The following SUGCT variants were observed in gnomAD, a reference collection of about 807,000 sequenced individuals.
SUGCT encodes succinyl-CoA:glutarate-CoA transferase, also known as succinyl-CoA:glutarate CoA-transferase.
SUGCT carries 41 observed loss-of-function variants against 55.0 expected under a neutral mutation model. That is an observed-to-expected ratio of 0.74 (90% CI 0.58 to 0.97). The LOEUF (loss-of-function observed/expected upper bound fraction) is 0.97. Ranked by LOEUF, SUGCT falls within the 50% of genes least tolerant of loss-of-function variation. The pLI, the probability that SUGCT is intolerant of heterozygous loss-of-function variation, is 0.00. For missense variants in SUGCT, 568 were observed against 547.8 expected, an observed-to-expected ratio of 1.04 and a Z score of -0.37; for synonymous variants, 187 against 200.4, an observed-to-expected ratio of 0.93 and a Z score of 0.56.
chr7:40,189,266 C>A (rs919417325), intron 4 of SUGCT, among the ~76,000 whole-genome samples: 1 of 151,938 alleles, frequency 6.6e-6, no homozygotes, highest in African/African-American at 2.4e-5. Flanking sequence ...CGCCTGAACC[C>A]GGGAGGCAGA....
intron 12 of SUGCT, among the ~76,000 whole-genome samples, chr7:40,580,601 A>G (rs1040323560): frequency 2.0e-5 from 3 of 152,210 alleles, no homozygotes; most frequent in Non-Finnish European, 4.4e-5. Context: ...CTCAGTAAGA[A>G]ATTAGACCAT....
intron 6 of SUGCT, among the ~76,000 whole-genome samples, chr7:40,227,695 C>G (rs1220872495): frequency 3.3e-5 from 5 of 151,748 alleles, no homozygotes; most frequent in African/African-American, 1.2e-4. Context: ...CATTTCATTT[C>G]TAAATATTTC....
intron 6 of SUGCT, among the ~76,000 whole-genome samples, chr7:40,219,183 C>A (rs1053939926): frequency 6.6e-6 from 1 of 152,020 alleles, no homozygotes; most frequent in African/African-American, 2.4e-5. Context: ...CTGAAGTCAG[C>A]GAGACCAGGA....
chr7:41,013,120 C>T, the SUGCT span, among the ~76,000 whole-genome samples: 1 of 151,228 alleles, frequency 6.6e-6, no homozygotes, highest in African/African-American at 2.4e-5. Flanking sequence ...AAGTTTTGTC[C>T]CACACACTCT....
At chr7:40,816,438 T>A (rs1034381246) in intron 13 of SUGCT, among the ~76,000 whole-genome samples, 2 of 152,172 alleles carry the variant, frequency 1.3e-5, no homozygotes, top group Non-Finnish European at 2.9e-5. Flanking sequence ...CCCCTTGGCC[T>A]GGGTTGCTTG....
chr7:40,212,170 G>T (rs1050083894), intron 6 of SUGCT, among the ~76,000 whole-genome samples: 6 of 151,252 alleles, frequency 4.0e-5, no homozygotes, highest in African/African-American at 1.5e-4. Context: ...CTGCAGCCTT[G>T]ATCCTCTGGG....
At chr7:40,192,107 CA>C (rs34662909) in intron 5 of SUGCT, among the ~76,000 whole-genome samples, 799 of 61,356 alleles carry the variant, frequency 0.013, 5 homozygotes, top group African/African-American at 0.041. Flanking sequence ...GATTCCATCT[CA>C]AAAAAAAAAA....
chr7:40,184,417 G>A (rs140554842), intron 3 of SUGCT, among the ~76,000 whole-genome samples: 21 of 151,948 alleles, frequency 1.4e-4, no homozygotes, highest in Admixed American at 2.0e-4. Flanking sequence ...ATAGTTGTGC[G>A]CAACTGTGCC....
chr7:40,887,898 G>A, the SUGCT span, among the ~76,000 whole-genome samples: 1 of 152,184 alleles, frequency 6.6e-6, no homozygotes, highest in African/African-American at 2.4e-5. Flanking sequence ...GAAAGTGGGG[G>A]TTGGAGAGTG....
At chr7:40,879,123 C>G in the SUGCT span, among the ~76,000 whole-genome samples, 1 of 152,176 alleles carries the variant, frequency 6.6e-6, no homozygotes, top group Non-Finnish European at 1.5e-5. Flanking sequence ...TACCACTCAT[C>G]TAACCACTTT....
the SUGCT span, among the ~76,000 whole-genome samples, chr7:40,924,714 G>T: frequency 1.4e-4 from 22 of 152,278 alleles, no homozygotes; most frequent in South Asian, 6.2e-4. Flanking sequence ...CTGGGGCTCA[G>T]ATTTACAGTG....
At chr7:40,222,311 T>C (rs1053796067) in intron 6 of SUGCT, among the ~76,000 whole-genome samples, 1 of 152,230 alleles carries the variant, frequency 6.6e-6, no homozygotes, top group African/African-American at 2.4e-5. Flanking sequence ...GGAGCAGCAA[T>C]GCTGGGTCAC....
chr7:40,557,308 T>C (rs1795603497), intron 12 of SUGCT, among the ~76,000 whole-genome samples: 1 of 152,184 alleles, frequency 6.6e-6, no homozygotes, highest in African/African-American at 2.4e-5. Flanking sequence ...CATGAAATTG[T>C]ATCCTATCTT....
chr7:40,882,325 G>A, the SUGCT span, among the ~76,000 whole-genome samples: 1 of 152,190 alleles, frequency 6.6e-6, no homozygotes, highest in Non-Finnish European at 1.5e-5. Context: ...GTGGAGCATG[G>A]AGCTCTGGTG....
chr7:40,939,443 T>C, the SUGCT span, among the ~76,000 whole-genome samples: 1 of 152,202 alleles, frequency 6.6e-6, no homozygotes, highest in African/African-American at 2.4e-5. Context: ...TGGTAAATCC[T>C]ACTTTTAGTT....
intron 9 of SUGCT, among the ~76,000 whole-genome samples, chr7:40,370,176 C>T (rs940145770): frequency 1.3e-5 from 2 of 152,158 alleles, no homozygotes. Flanking sequence ...TAACTTTCTA[C>T]TAAAGTTGTC....
At position 40,650,331 on chromosome 7, in the gene SUGCT, G is replaced by A. The variant is rs549115529; in HGVS notation, c.1090-99103G>A. On this transcript the variant is annotated intron_variant, in intron 12 of 13. Coordinates refer to ENST00000335693, the MANE Select transcript of SUGCT (RefSeq NM_001193313.2). ...AAATTCAATCTGTGCTCAAAGGGGG[G>A]GATTACACAGTAGTGTGTACCAGGA... Among the ~76,000 whole-genome samples the A allele has an allele frequency of 3.3e-5, 5 of 152,214 alleles. No individual in the cohort carries two copies. In the East Asian group the frequency reaches 9.6e-4, roughly 29 times the overall value.
At chr7:40,760,542 A>C (rs1584398462) in intron 13 of SUGCT, among the ~76,000 whole-genome samples, 1 of 152,188 alleles carries the variant, frequency 6.6e-6, no homozygotes, top group South Asian at 2.1e-4. Context: ...AACAATGTGA[A>C]TGTACTTAGT....
chr7:40,164,150 G>A (rs1167066417), intron 1 of SUGCT, among the ~76,000 whole-genome samples: 1 of 148,646 alleles, frequency 6.7e-6, no homozygotes, highest in South Asian at 2.1e-4. Flanking sequence ...TTGAGACGGA[G>A]TCTCGTTCTG....
Sources: gnomAD v4.1 joint callset for allele counts (sites outside exome capture counted in the v4.1 genomes callset) on GRCh38, gnomAD v4.1.1 for gene constraint, MANE v1.5 for transcripts, NCBI Gene and HGNC (gene_info 2026-07-23, HGNC 2026-07-21) for gene names.